Variants in SERPINI1 observed in about 807,000 individuals in gnomAD.
SERPINI1 encodes the protein neuroserpin.
SERPINI1 carries 19 observed loss-of-function variants against 41.1 expected under a neutral mutation model. The ratio of observed to expected loss-of-function variants is 0.46; its 90% CI spans 0.32 to 0.68. The LOEUF (loss-of-function observed/expected upper bound fraction) is 0.68, where lower values mean the gene tolerates loss of function less well. Among genes scored for constraint, SERPINI1 ranks in the 30% least tolerant of loss-of-function variants. SERPINI1 has a pLI of 0.03. For synonymous variants in SERPINI1, 138 were observed against 156.6 expected (o/e 0.88, Z 0.89); for missense variants, 460 against 479.2 (o/e 0.96, Z 0.37).
intron 1 of SERPINI1, among the ~76,000 whole-genome samples, chr3:167,772,891 TATAC>T (rs1299348829): frequency 4.1e-5 from 3 of 73,692 alleles, no homozygotes; most frequent in Non-Finnish European, 7.3e-5. Flanking sequence ...TATATATATA[TATAC>T]ACACACACAC....
At chr3:167,761,776 C>T (rs1470886616) in intron 1 of SERPINI1, among the ~76,000 whole-genome samples, 1 of 152,180 alleles carries the variant, frequency 6.6e-6, no homozygotes, top group Non-Finnish European at 1.5e-5. Context: ...TTCTCAGTGA[C>T]ATTCAGAACA....
rs1448356396 is a variant in SERPINI1, at chr3:167,792,662, A to G, written c.554A>G (p.Tyr185Cys). ...ATYLALINAV[Y>C]FKGNWKSQFR... ...TATCTGGCCCTCATTAATGCTGTCT[A>G]TTTCAAGGGGAACTGGAAGTCGCAG... Residue 185 changes from tyrosine to cysteine, a missense_variant, in exon 4 of 9, where the codon TAT becomes TGT. Tyr to Cys is a radical substitution (Grantham distance 194). Coordinates refer to ENST00000446050, the MANE Select transcript of SERPINI1 (RefSeq NM_001122752.2). 3 of 1,613,690 alleles carry G rather than the reference A, an allele frequency of 1.9e-6. No individual in the cohort carries two copies. The highest frequency in any genetic ancestry group is 2.5e-6 in the Non-Finnish European group (3 of 1,179,890).
At chr3:167,773,364 A>G (rs1319370239) in intron 1 of SERPINI1, among the ~76,000 whole-genome samples, 1 of 152,198 alleles carries the variant, frequency 6.6e-6, no homozygotes, top group African/African-American at 2.4e-5. Context: ...CTCCGAAAAT[A>G]AGAGTGGTCG....
At chr3:167,823,555 G>A (rs1466853329) in intron 7 of SERPINI1, among the ~76,000 whole-genome samples, 2 of 151,868 alleles carry the variant, frequency 1.3e-5, no homozygotes, top group Non-Finnish European at 2.9e-5. Context: ...ATGACATCAG[G>A]GTAAATGGGG....
rs190925034 is a variant in SERPINI1, at chr3:167,741,020, C to T, written c.-19+5197C>T. On this transcript the variant is annotated intron_variant, in intron 1 of 8. Coordinates refer to ENST00000446050, the MANE Select transcript of SERPINI1 (RefSeq NM_001122752.2). ...AGACCTTAGTAAAGCTTACATTGTACCTGAATTATACAGGTATTTGTCATC... is the reference window on the plus strand; with the variant it reads ...AGACCTTAGTAAAGCTTACATTGTATCTGAATTATACAGGTATTTGTCATC... 3.3e-5 allele frequency among the ~76,000 whole-genome samples: 5 copies of T among 152,152 alleles called. No homozygotes were observed. The East Asian group carries it at 9.6e-4, about 29-fold the overall frequency.
intron 1 of SERPINI1, among the ~76,000 whole-genome samples, chr3:167,760,090 T>TA (rs1261329559): frequency 6.6e-6 from 1 of 152,134 alleles, no homozygotes; most frequent in Non-Finnish European, 1.5e-5. Context: ...TGAACACGTG[T>TA]ACATATATGA....
At chr3:167,778,503 T>C (rs1727027347) in intron 1 of SERPINI1, among the ~76,000 whole-genome samples, 1 of 152,186 alleles carries the variant, frequency 6.6e-6, no homozygotes, top group Non-Finnish European at 1.5e-5. Flanking sequence ...AGTCAGTGTC[T>C]GTGTGGGGAT....
chr3:167,742,606 T>C lies in SERPINI1; in HGVS notation c.-19+6783T>C, dbSNP rs567251215. On this transcript the variant is annotated intron_variant, in intron 1 of 8. Coordinates refer to ENST00000446050, the MANE Select transcript of SERPINI1 (RefSeq NM_001122752.2). ...AAAGATCCCCGGCAGATGTCCACTGTGCACTAACTGGCTCATGTCATATGG... is the reference window on the plus strand; with the variant it reads ...AAAGATCCCCGGCAGATGTCCACTGCGCACTAACTGGCTCATGTCATATGG... 2.6e-5 allele frequency among the ~76,000 whole-genome samples: 4 copies of C among 152,276 alleles called. No individual in the cohort carries two copies. In the East Asian group the frequency reaches 5.8e-4, roughly 22 times the overall value.
At chr3:167,772,688 A>G (rs1577409410) in intron 1 of SERPINI1, among the ~76,000 whole-genome samples, 1 of 151,368 alleles carries the variant, frequency 6.6e-6, no homozygotes, top group Non-Finnish European at 1.5e-5. Flanking sequence ...TCTCTGACAC[A>G]TACCTTGGAG....
intron 1 of SERPINI1, among the ~76,000 whole-genome samples, chr3:167,768,046 C>T (rs1386972675): frequency 6.6e-6 from 1 of 152,166 alleles, no homozygotes; most frequent in Non-Finnish European, 1.5e-5. Flanking sequence ...GAAAGAAGTT[C>T]TACTATGGGT....
At chr3:167,821,071 C>A (rs992519672) in intron 6 of SERPINI1, among the ~76,000 whole-genome samples, 2 of 152,116 alleles carry the variant, frequency 1.3e-5, no homozygotes, top group African/African-American at 4.8e-5. Context: ...AGGAGCTACC[C>A]ACTGCAGTTC....
At chr3:167,757,776 G>A (rs894192286) in intron 1 of SERPINI1, among the ~76,000 whole-genome samples, 8 of 152,002 alleles carry the variant, frequency 5.3e-5, no homozygotes, top group African/African-American at 1.9e-4. Flanking sequence ...AAAATTAGCT[G>A]AGCTTGGTGG....
chr3:167,792,659 T>A lies in SERPINI1; in HGVS notation c.551T>A (p.Val184Asp), dbSNP rs763115467. 6.2e-7 allele frequency: 1 copy of A among 1,613,852 alleles called. No individual in the cohort carries two copies. Among genetic ancestry groups the A allele is most frequent in the East Asian group, 2.2e-5 (1 of 44,844 alleles). ...AATYLALINA[V>D]YFKGNWKSQF... ...ACTTATCTGGCCCTCATTAATGCTG[T>A]CTATTTCAAGGGGAACTGGAAGTCG... Residue 184 changes from valine (V) to aspartate (D), a missense_variant, in exon 4 of 9, where the codon GTC (valine) becomes GAC (aspartate). By Grantham distance (152) the Val-to-Asp change is radical. Transcript: ENST00000446050.
chr3:167,751,294 T>C (rs1395689342), intron 1 of SERPINI1, among the ~76,000 whole-genome samples: 1 of 152,208 alleles, frequency 6.6e-6, no homozygotes, highest in Non-Finnish European at 1.5e-5. Context: ...ACTTCTGAGT[T>C]TGTCAGAACT....
At chr3:167,789,090 A>G (rs1727407623) in intron 1 of SERPINI1, 21 bp from the exon 2 acceptor site, 1 of 1,607,340 alleles carries the variant, frequency 6.2e-7, no homozygotes, top group Non-Finnish European at 8.5e-7. Flanking sequence ...AATAATTAAT[A>G]TGTAAATTGT....
chr3:167,804,658 C>G (rs1560014001), intron 5 of SERPINI1, among the ~76,000 whole-genome samples: 1 of 152,074 alleles, frequency 6.6e-6, no homozygotes, highest in Non-Finnish European at 1.5e-5. Flanking sequence ...TAAAGTGAGA[C>G]CCACATCTAC....
At chr3:167,758,390 T>C (rs1726258341) in intron 1 of SERPINI1, among the ~76,000 whole-genome samples, 2 of 152,202 alleles carry the variant, frequency 1.3e-5, no homozygotes, top group South Asian at 4.1e-4. Context: ...TATGAGTCTC[T>C]ACTGACACAA....
intron 1 of SERPINI1, among the ~76,000 whole-genome samples, chr3:167,771,973 G>A (rs1438155134): frequency 6.6e-6 from 1 of 152,242 alleles, no homozygotes; most frequent in African/African-American, 2.4e-5. Context: ...GGGCAGCATG[G>A]CATAGTGAAA....
At chr3:167,748,011 G>T (rs1368318649) in intron 1 of SERPINI1, among the ~76,000 whole-genome samples, 1 of 150,020 alleles carries the variant, frequency 6.7e-6, no homozygotes, top group Non-Finnish European at 1.5e-5. Flanking sequence ...TAAAGGAGGC[G>T]GAAATATCAG....
Sources: allele counts gnomAD v4.1 joint callset (sites outside exome capture counted in the v4.1 genomes callset), GRCh38; gene constraint gnomAD v4.1.1; transcripts MANE v1.5; gene names NCBI Gene and HGNC (gene_info 2026-07-23, HGNC 2026-07-21).